Variants in SAMD15 observed in about 807,000 individuals in gnomAD.
SAMD15 encodes sterile alpha motif domain containing 15.
Under a neutral mutation model 50.5 loss-of-function variants are expected in SAMD15, and 37 were observed. That is an observed-to-expected ratio of 0.73 (90% confidence interval 0.56 to 0.96). SAMD15 has a LOEUF of 0.96. Ranked by LOEUF, SAMD15 falls within the 40% of genes least tolerant of loss-of-function variation. The pLI, the probability that SAMD15 is intolerant of heterozygous loss-of-function variation, is 0.00. For synonymous variants in SAMD15, 255 were observed against 282.8 expected, an observed-to-expected ratio of 0.90 and a Z score of 0.99; for missense variants, 789 against 783.8, an observed-to-expected ratio of 1.01 and a Z score of -0.08.
At chr14:77,386,831 T>C (rs1266314210) in intron 2 of SAMD15, among the ~76,000 whole-genome samples, 1 of 152,116 alleles carries the variant, frequency 6.6e-6, no homozygotes, top group Non-Finnish European at 1.5e-5. Flanking sequence ...AGTTTACAAA[T>C]AAAAGAACAG....
rs1377861416 is a variant in SAMD15, at chr14:77,378,583, C to T, written c.1165C>T (p.Pro389Ser). 2 of 1,613,282 alleles carry T rather than the reference C, an allele frequency of 1.2e-6. No homozygotes were observed. Among genetic ancestry groups the T allele is most frequent in the East Asian group, 2.2e-5 (1 of 44,886 alleles). ...TGPVLPQEIN[P>S]QVEEKTQTKP... ...TCCAGTGCTACCACAGGAGATCAAC[C>T]CACAAGTTGAAGAGAAAACACAAAC... The change falls in exon 1 of 3, where the codon CCA becomes TCA. Residue 389 changes from proline to serine, a missense_variant. Coordinates refer to ENST00000216471, the MANE Select transcript of SAMD15 (RefSeq NM_001010860.4).
chr14:77,386,044 T>C (rs1894002084), intron 2 of SAMD15, among the ~76,000 whole-genome samples: 1 of 151,894 alleles, frequency 6.6e-6, no homozygotes, highest in African/African-American at 2.4e-5. Context: ...GAGATAGAGA[T>C]GGGGTTTCGC....
At chr14:77,388,579 C>CT (rs993844988) in intron 2 of SAMD15, among the ~76,000 whole-genome samples, 85 of 144,498 alleles carry the variant, frequency 5.9e-4, no homozygotes, top group Admixed American at 7.7e-4. Context: ...TCACGACTGG[C>CT]TTTTTTTTTT....
At chr14:77,384,742 A>G (rs1893985202) in intron 2 of SAMD15, among the ~76,000 whole-genome samples, 1 of 152,224 alleles carries the variant, frequency 6.6e-6, no homozygotes, top group South Asian at 2.1e-4. Context: ...AGACGTGGAC[A>G]CTAGTTGTGC....
chr14:77,380,285 T>A, intron 1 of SAMD15, 98 bp from the exon 2 acceptor site: 1 of 805,210 alleles, frequency 1.2e-6, no homozygotes. Flanking sequence ...TTTCTCAGGG[T>A]AGAACAAACA....
At chr14:77,379,529 C>A (rs1189109075) in intron 1 of SAMD15, among the ~76,000 whole-genome samples, 1 of 152,062 alleles carries the variant, frequency 6.6e-6, no homozygotes, top group East Asian at 1.9e-4. Context: ...GGGACTGGGA[C>A]TACAGGCGCC....
chr14:77,384,217 G>C (rs1300870496), intron 2 of SAMD15, among the ~76,000 whole-genome samples: 3 of 152,148 alleles, frequency 2.0e-5, no homozygotes, highest in Non-Finnish European at 4.4e-5. Flanking sequence ...TGGGAGAATA[G>C]AAGGAAGGAA....
chr14:77,381,155 T>G (rs539472888), intron 2 of SAMD15, among the ~76,000 whole-genome samples: 7 of 152,294 alleles, frequency 4.6e-5, no homozygotes, highest in Admixed American at 2.0e-4. Context: ...CCATCCCAAG[T>G]TCTCATGACA....
rs1370700030 is a variant in SAMD15, at chr14:77,378,739, C to T, written c.1321C>T (p.His441Tyr). ...KYSVGNDELE[H>Y]REPKRGKLSL... Reference sequence around the variant, plus strand: ...TTCTGTAGGAAACGATGAGCTAGAGCACCGTGAGCCTAAAAGAGGAAAGTT... The same window carrying T: ...TTCTGTAGGAAACGATGAGCTAGAGTACCGTGAGCCTAAAAGAGGAAAGTT... The change falls in exon 1 of 3, where the codon CAC (histidine) becomes TAC (tyrosine). Residue 441 changes from histidine (H) to tyrosine (Y), a missense_variant. Physicochemically the swap from His to Tyr is moderately conservative, Grantham distance 83. This residue lies in a region of SAMD15 where 770 missense variants were observed against 745.4 expected (regional missense o/e 1.03). Coordinates refer to ENST00000216471, the MANE Select transcript of SAMD15 (RefSeq NM_001010860.4). 4.3e-6 allele frequency: 7 copies of T among 1,612,534 alleles called. No individual in the cohort carries two copies. Among genetic ancestry groups the T allele is most frequent in the Non-Finnish European group, 1.7e-6 (2 of 1,179,642 alleles).
chr14:77,380,765 G>A (rs763257879), intron 2 of SAMD15, among the ~76,000 whole-genome samples: 2 of 151,848 alleles, frequency 1.3e-5, no homozygotes, highest in Non-Finnish European at 2.9e-5. Context: ...GTGGCCTCCC[G>A]CTTTTAGCCT....
At chr14:77,388,473 C>T (rs1167269758) in intron 2 of SAMD15, among the ~76,000 whole-genome samples, 2 of 151,116 alleles carry the variant, frequency 1.3e-5, no homozygotes, top group Non-Finnish European at 2.9e-5. Flanking sequence ...AGTGCAGTGG[C>T]ATGATCATGG....
chr14:77,390,705 C>T (rs1394770199), intron 2 of SAMD15, among the ~76,000 whole-genome samples: 5 of 152,106 alleles, frequency 3.3e-5, no homozygotes, highest in African/African-American at 1.2e-4. Flanking sequence ...GCCTGGCCGA[C>T]ATGGTGAAAC....
In SAMD15 at chr14:77,377,838, G is replaced by C. The variant is rs774827869; in HGVS notation, c.420G>C (p.Glu140Asp). ...AGTCAGACCTAGAGCCACCAGAGGA[G>C]GCTAAACCAAATGTTACAGAGGATG... Reference protein sequence around the residue: ...HKESDLEPPEEAKPNVTEDVF... With the variant: ...HKESDLEPPEDAKPNVTEDVF... Residue 140 changes from glutamate to aspartate, a missense_variant, in exon 1 of 3, where the codon GAG (glutamate) becomes GAC (aspartate). Physicochemically the swap from Glu to Asp is conservative, Grantham distance 45 (BLOSUM62 2). Coordinates refer to ENST00000216471, the MANE Select transcript of SAMD15 (RefSeq NM_001010860.4). 6.2e-7 allele frequency: 1 copy of C among 1,614,182 alleles called. No individual in the cohort carries two copies. The highest frequency in any genetic ancestry group is 2.2e-5 in the East Asian group (1 of 44,892).
intron 2 of SAMD15, among the ~76,000 whole-genome samples, chr14:77,385,600 T>C (rs1045719594): frequency 6.6e-6 from 1 of 152,166 alleles, no homozygotes; most frequent in African/African-American, 2.4e-5. Context: ...TTTTCTGACA[T>C]TGAGAAACTT....
chr14:77,388,042 T>A (rs556227996), intron 2 of SAMD15, among the ~76,000 whole-genome samples: 1 of 152,146 alleles, frequency 6.6e-6, no homozygotes, highest in African/African-American at 2.4e-5. Flanking sequence ...GACCTTCCTG[T>A]CTTGATAAAT....
chr14:77,379,008 C>T lies in SAMD15; in HGVS notation c.1590C>T (p.Thr530=), dbSNP rs1357543442. ...LKERVSEDDE[T]QPEKGTELQF... The stretch of plus-strand genomic sequence containing the variant: ...AACGGGTCTCTGAAGATGACGAAAC[C>T]CAGCCAGAAAAAGGGACTGAGTTAC... The change falls in exon 1 of 3, where the codon ACC becomes ACT. Residue 530 remains threonine (T), a synonymous_variant. Transcript: ENST00000216471. The T allele has an allele frequency of 1.9e-6, 3 of 1,613,994 alleles. No homozygotes were observed. Among genetic ancestry groups the T allele is most frequent in the Admixed American group, 3.3e-5 (2 of 59,996 alleles).
chr14:77,390,888 T>C, intron 2 of SAMD15, 120 bp from the exon 3 acceptor site: 1 of 713,652 alleles, frequency 1.4e-6, no homozygotes, highest in Non-Finnish European at 2.4e-6. Flanking sequence ...AGACTTCGTC[T>C]CAAAAAAAAG....
chr14:77,384,920 T>G (rs887054988), intron 2 of SAMD15, among the ~76,000 whole-genome samples: 3 of 152,142 alleles, frequency 2.0e-5, no homozygotes, highest in Non-Finnish European at 4.4e-5. Context: ...TGGTGGCTCA[T>G]GCCTGTAATG....
intron 1 of SAMD15, among the ~76,000 whole-genome samples, chr14:77,379,337 A>C (rs764028858): frequency 1.3e-5 from 2 of 151,268 alleles, no homozygotes; most frequent in Non-Finnish European, 2.9e-5. Flanking sequence ...CAGTGATTAC[A>C]CTTCTCTGCA....
Sources: gnomAD v4.1 joint callset for allele counts (sites outside exome capture counted in the v4.1 genomes callset) on GRCh38, gnomAD v4.1.1 for gene constraint, gnomAD v4.1.1 regional missense constraint, MANE v1.5 for transcripts, NCBI Gene and HGNC (gene_info 2026-07-23, HGNC 2026-07-21) for gene names.